Variants in OBI1 observed in about 807,000 individuals in gnomAD.
OBI1 encodes the protein ORC ubiquitin ligase 1, also known as ring finger protein 219.
Under a neutral mutation model 62.4 loss-of-function variants are expected in OBI1, and 59 were observed. The ratio of observed to expected loss-of-function variants is 0.95; its 90% confidence interval spans 0.77 to 1.17. OBI1 has a LOEUF of 1.17. Ranked by LOEUF, OBI1 falls within the 50% of genes most tolerant of loss-of-function variation. The pLI is 0.00. For missense variants in OBI1, 875 were observed against 830.9 expected (o/e 1.05, Z -0.65); for synonymous variants, 302 against 292.8 (o/e 1.03, Z -0.32).
rs3064402 is a variant in OBI1 at position 78,648,279 on chromosome 13, AACACACACACAC to A, written c.73-3294_73-3283del. Among the ~76,000 whole-genome samples the A allele has an allele frequency of 2.4e-4, 35 of 146,784 alleles. 1 individual carries two copies. In the Middle Eastern group the frequency reaches 0.02, roughly 86 times the overall value. ...CTTATCTATCCTGTAACTTCCCCCA[AACACACACACAC>A]ACACACACACACACACACACAGACA... On this transcript the variant is annotated intron_variant, in intron 1 of 5. Coordinates refer to ENST00000282003, the MANE Select transcript of OBI1 (RefSeq NM_024546.4).
chr13:78,616,406 T>C lies in OBI1; in HGVS notation c.1355A>G (p.Asn452Ser). The C allele has an allele frequency of 6.2e-7, 1 of 1,612,898 alleles. No individual in the cohort carries two copies. The highest frequency in any genetic ancestry group is 8.5e-7 in the Non-Finnish European group (1 of 1,179,466). The change falls in exon 6 of 6, where the codon AAT becomes AGT. Residue 452 changes from asparagine (N) to serine (S), a missense_variant. By Grantham distance (46) the Asn-to-Ser change is conservative (BLOSUM62 1). Transcript: ENST00000282003. ...AGAAAAACATTCTGATTTCTTTTCA[T>C]TTTCACTTCTACTTATATCATCTTC... ...SSEDDISRSE[N>S]EKKSECFSSP...
rs758008517 is a variant in OBI1, at chr13:78,642,165, T to C, written c.257A>G (p.His86Arg). 63 of 1,611,116 alleles carry C rather than the reference T, an allele frequency of 3.9e-5. No homozygotes were observed. The East Asian group carries it at 4.5e-4, about 11-fold the overall frequency. Residue 86 changes from histidine to arginine, a missense_variant, in exon 3 of 6, where the codon CAT becomes CGT. By Grantham distance (29) the His-to-Arg change is conservative (BLOSUM62 0). Transcript: ENST00000282003. ...EPMLSHTVRK[H>R]LRKTRLELLH... ...TAATTCAAGTCTAGTTTTCCGAAGA[T>C]GCTTCCTGACCGTATGGCTTAGCAT...
intron 5 of OBI1, among the ~76,000 whole-genome samples, chr13:78,626,061 A>C (rs1390447983): frequency 6.6e-6 from 1 of 152,216 alleles, no homozygotes; most frequent in African/African-American, 2.4e-5. Context: ...AGACAGGTAA[A>C]GGAAGGAAAA....
chr13:78,630,360 C>G lies in OBI1; in HGVS notation c.638+4750G>C, dbSNP rs540606314. Among the ~76,000 whole-genome samples, 3 of 152,200 alleles carry G rather than the reference C, an allele frequency of 2.0e-5. No individual in the cohort carries two copies. The South Asian group carries it at 6.2e-4, about 32-fold the overall frequency. The stretch of plus-strand genomic sequence containing the variant: ...CTCATAACACATATTCAACAATTAT[C>G]AAGATTTTTGTCTTATTTCCTTTGT... On this transcript the variant is annotated intron_variant, in intron 5 of 5. Transcript: ENST00000282003.
At chr13:78,650,205 C>G (rs1181245546) in intron 1 of OBI1, among the ~76,000 whole-genome samples, 5 of 152,024 alleles carry the variant, frequency 3.3e-5, no homozygotes, top group Non-Finnish European at 5.9e-5. Flanking sequence ...GAGGAAGAGA[C>G]AGGGACTGAT....
At chr13:78,646,964 G>T (rs142990707) in intron 1 of OBI1, among the ~76,000 whole-genome samples, 2 of 152,304 alleles carry the variant, frequency 1.3e-5, no homozygotes, top group Non-Finnish European at 2.9e-5. Flanking sequence ...GTGTTGCATG[G>T]AATCAAGATT....
chr13:78,642,097 A>T, intron 3 of OBI1, 25 bp downstream of exon 3: 1 of 1,409,120 alleles, frequency 7.1e-7, no homozygotes, highest in Non-Finnish European at 1.0e-6. Flanking sequence ...TGCTAACATA[A>T]TTTTAAACTT....
At chr13:78,642,715 A>G (rs1876255561) in intron 2 of OBI1, among the ~76,000 whole-genome samples, 1 of 152,150 alleles carries the variant, frequency 6.6e-6, no homozygotes, top group East Asian at 1.9e-4. Flanking sequence ...CCCTGTCTCT[A>G]CTAAAAATGC....
intron 1 of OBI1, among the ~76,000 whole-genome samples, chr13:78,658,199 T>A (rs1876766504): frequency 6.6e-6 from 1 of 152,142 alleles, no homozygotes; most frequent in African/African-American, 2.4e-5. Flanking sequence ...ACCACAGACG[T>A]AAAAATAATT....
In OBI1 at chr13:78,639,088, T is replaced by C. The variant is rs143374733; in HGVS notation, c.301-17A>G. ...TATTTCGTCCTGAAAAAGCATTGCA[T>C]AGTCATGAGGCAGGCATAGACACTA... is the stretch of plus-strand genomic sequence containing the variant. On this transcript the variant is annotated splice_polypyrimidine_tract_variant and intron_variant, in intron 3 of 5. Transcript: ENST00000282003. 5.7e-4 allele frequency: 921 copies of C among 1,609,238 alleles called. 16 individuals are homozygous for C. The East Asian group carries it at 0.02, about 34-fold the overall frequency.
intron 1 of OBI1, among the ~76,000 whole-genome samples, chr13:78,654,803 T>C (rs1158100391): frequency 6.6e-6 from 1 of 152,118 alleles, no homozygotes; most frequent in Non-Finnish European, 1.5e-5. Context: ...GAAATCATAA[T>C]TTTATGGAGC....
In OBI1 at chr13:78,616,063, C is replaced by A; in HGVS notation, c.1698G>T (p.Gly566=). Residue 566 remains glycine (G), a synonymous_variant, in exon 6 of 6, where the codon GGG becomes GGT. Transcript: ENST00000282003. ...CACTGCCTTGAGATGACTTTGATAA[C>A]CCATCCAAATCCAGTGACTTAAAAC... is the stretch of plus-strand genomic sequence containing the variant. ...NNGFKSLDLD[G]LSKSSQGSEF... 1 of 1,614,138 alleles carries A rather than the reference C, an allele frequency of 6.2e-7. No individual in the cohort carries two copies. Among genetic ancestry groups the A allele is most frequent in the Non-Finnish European group, 8.5e-7 (1 of 1,179,996 alleles).
chr13:78,632,287 G>C (rs978900611), intron 5 of OBI1, among the ~76,000 whole-genome samples: 1 of 152,082 alleles, frequency 6.6e-6, no homozygotes, highest in Non-Finnish European at 1.5e-5. Flanking sequence ...ATCACAACCC[G>C]ACCCTGCCAA....
intron 1 of OBI1, among the ~76,000 whole-genome samples, chr13:78,654,858 A>C (rs1378100072): frequency 6.6e-6 from 1 of 152,218 alleles, no homozygotes; most frequent in African/African-American, 2.4e-5. Context: ...ATTTTAATTA[A>C]AGATTCCCTA....
intron 5 of OBI1, among the ~76,000 whole-genome samples, chr13:78,629,407 G>A (rs1875780192): frequency 6.6e-6 from 1 of 151,968 alleles, no homozygotes; most frequent in Non-Finnish European, 1.5e-5. Context: ...AGTAGCTGAG[G>A]ACAAAAATAC....
rs373444029 is a variant in OBI1, at chr13:78,640,080, C to T, written c.301-1009G>A. On this transcript the variant is annotated intron_variant, in intron 3 of 5. Coordinates refer to ENST00000282003, the MANE Select transcript of OBI1 (RefSeq NM_024546.4). ...GAAAATAAGAAAAGTCACATGAATTCCAACAGGGAAGTAGATTCCATTTCA... is the reference window on the plus strand; with the variant it reads ...GAAAATAAGAAAAGTCACATGAATTTCAACAGGGAAGTAGATTCCATTTCA... 3.3e-5 allele frequency among the ~76,000 whole-genome samples: 5 copies of T among 152,014 alleles called. No individual in the cohort carries two copies. In the East Asian group the frequency reaches 7.7e-4, roughly 23 times the overall value.
At chr13:78,645,930 G>A (rs554187509) in intron 1 of OBI1, among the ~76,000 whole-genome samples, 75 of 152,294 alleles carry the variant, frequency 4.9e-4, no homozygotes, top group Non-Finnish European at 7.9e-4. Context: ...GATTACAGGC[G>A]TGAGCCACCG....
chr13:78,653,095 T>A (rs1430642118), intron 1 of OBI1, among the ~76,000 whole-genome samples: 1 of 152,222 alleles, frequency 6.6e-6, no homozygotes, highest in Non-Finnish European at 1.5e-5. Context: ...GGCAGAGACA[T>A]GCCTAAGGCT....
At chr13:78,629,696 A>C (rs1471111248) in intron 5 of OBI1, among the ~76,000 whole-genome samples, 2 of 152,154 alleles carry the variant, frequency 1.3e-5, no homozygotes, top group African/African-American at 2.4e-5. Context: ...CCAGTACTTA[A>C]GTGTTCCCTT....
Sources: gnomAD v4.1 joint callset for allele counts (sites outside exome capture counted in the v4.1 genomes callset) on GRCh38, gnomAD v4.1.1 for gene constraint, MANE v1.5 for transcripts, NCBI Gene and HGNC (gene_info 2026-07-23, HGNC 2026-07-21) for gene names.